RGS6: variants seen among roughly 807,000 people sequenced by gnomAD.
RGS6 encodes regulator of G protein signaling 6.
A neutral mutation model predicts 78.5 loss-of-function variants in RGS6; 30 were observed. The observed-to-expected ratio is 0.38, with a 90% CI of 0.29 to 0.52. The LOEUF (loss-of-function observed/expected upper bound fraction) is 0.52, where lower values mean the gene tolerates loss of function less well. RGS6 is among the 20% of genes least tolerant of loss of function. RGS6 has a pLI of 0.85. For missense variants in RGS6, 495 were observed against 609.7 expected (o/e 0.81, Z 1.98); for synonymous variants, 206 against 206.0 (o/e 1.00, Z 0.00).
intron 3 of RGS6, among the ~76,000 whole-genome samples, chr14:72,448,647 C>CTCAGTAAAT (rs1487865638): frequency 2.0e-5 from 3 of 152,106 alleles, no homozygotes; most frequent in African/African-American, 7.2e-5. Context: ...ATAGAAAGTA[C>CTCAGTAAAT]TCAGTAAATT....
chr14:71,940,431 T>C (rs2090337852), intron 1 of RGS6, among the ~76,000 whole-genome samples: 4 of 152,208 alleles, frequency 2.6e-5, no homozygotes, highest in African/African-American at 9.6e-5. Context: ...TAATTCAAAT[T>C]AGTCTTTTGT....
rs749194385 is a variant in RGS6 at position 72,204,804 on chromosome 14, C to T, written c.85-147291C>T. Reference sequence around the variant, plus strand: ...GGTTAGGATTTCAACATATGAATTTCGGAGGGACAGAAACATTCAGACCTA... The same window carrying T: ...GGTTAGGATTTCAACATATGAATTTTGGAGGGACAGAAACATTCAGACCTA... On this transcript the variant is annotated intron_variant, in intron 2 of 17. Coordinates refer to ENST00000553525, the MANE Select transcript of RGS6 (RefSeq NM_001204424.2). 7.9e-4 allele frequency among the ~76,000 whole-genome samples: 121 copies of T among 152,296 alleles called. 1 individual carries two copies. Among genetic ancestry groups the T allele is most frequent in the South Asian group, 1.7e-3 (8 of 4,822 alleles).
At chr14:72,239,856 T>C (rs1231774519) in intron 2 of RGS6, among the ~76,000 whole-genome samples, 3 of 152,232 alleles carry the variant, frequency 2.0e-5, no homozygotes, top group Admixed American at 6.5e-5. Context: ...TAATGAACTA[T>C]CTGTTGCAGA....
chr14:72,355,297 G>A (rs769480506), intron 3 of RGS6, among the ~76,000 whole-genome samples: 9 of 151,548 alleles, frequency 5.9e-5, no homozygotes, highest in South Asian at 2.1e-4. Context: ...GGGTTCAAGC[G>A]ATTCTCCTGT....
intron 2 of RGS6, among the ~76,000 whole-genome samples, chr14:72,221,513 A>G (rs1401550016): frequency 6.6e-6 from 1 of 152,228 alleles, no homozygotes; most frequent in Admixed American, 6.5e-5. Flanking sequence ...TATAGAGGTC[A>G]TCTTGCACTC....
chr14:72,227,205 A>G (rs2048331567), intron 2 of RGS6, among the ~76,000 whole-genome samples: 1 of 152,236 alleles, frequency 6.6e-6, no homozygotes, highest in South Asian at 2.1e-4. Context: ...GAAACTTCTC[A>G]CTTTATTTTG....
chr14:72,612,419 G>T, the RGS6 span: 1 of 515,358 alleles, frequency 1.9e-6, no homozygotes, highest in East Asian at 5.5e-5. Flanking sequence ...ATATCAGGCA[G>T]TGTTTCTGTC....
the RGS6 span, among the ~76,000 whole-genome samples, chr14:72,588,193 G>A: frequency 6.6e-6 from 1 of 152,198 alleles, no homozygotes; most frequent in African/African-American, 2.4e-5. Flanking sequence ...GCCCCCAGGG[G>A]TTCCCAGAAA....
the RGS6 span, among the ~76,000 whole-genome samples, chr14:71,920,398 A>G: frequency 6.6e-6 from 1 of 152,210 alleles, no homozygotes; most frequent in African/African-American, 2.4e-5. Flanking sequence ...GAGGGGAGTC[A>G]AGATGGAAGG....
At chr14:71,888,152 A>C in the RGS6 span, among the ~76,000 whole-genome samples, 1 of 152,224 alleles carries the variant, frequency 6.6e-6, no homozygotes, top group African/African-American at 2.4e-5. Context: ...CTGAGGCAGG[A>C]GAATCACTTG....
chr14:72,055,528 A>G (rs112632381), intron 2 of RGS6, among the ~76,000 whole-genome samples: 1 of 152,184 alleles, frequency 6.6e-6, no homozygotes, highest in Non-Finnish European at 1.5e-5. Context: ...CACCCTCGCT[A>G]GAAATATGAA....
intron 3 of RGS6, among the ~76,000 whole-genome samples, chr14:72,401,368 T>C (rs1039090945): frequency 2.6e-5 from 4 of 152,026 alleles, no homozygotes; most frequent in African/African-American, 7.2e-5. Context: ...GAGAGGAGAA[T>C]CTTTGTCAGT....
chr14:72,240,669 A>G (rs2052538686), intron 2 of RGS6, among the ~76,000 whole-genome samples: 4 of 152,192 alleles, frequency 2.6e-5, no homozygotes. Context: ...TTCCTTCTCA[A>G]TATAAGAAGA....
At chr14:72,322,904 A>G (rs1342792316) in intron 2 of RGS6, among the ~76,000 whole-genome samples, 1 of 152,118 alleles carries the variant, frequency 6.6e-6, no homozygotes, top group Non-Finnish European at 1.5e-5. Context: ...ACACACATAC[A>G]TATACCAATA....
At chr14:72,271,989 A>G (rs2060022859) in intron 2 of RGS6, among the ~76,000 whole-genome samples, 1 of 148,058 alleles carries the variant, frequency 6.8e-6, no homozygotes, top group Non-Finnish European at 1.5e-5. Flanking sequence ...GGCCACTGGG[A>G]TAATCGAGGA....
chr14:72,555,289 T>TACCA (rs1444445008), intron 17 of RGS6, among the ~76,000 whole-genome samples: 2 of 152,122 alleles, frequency 1.3e-5, no homozygotes, highest in African/African-American at 4.8e-5. Flanking sequence ...GTCCAGCAGC[T>TACCA]ACCACCTGAA....
chr14:72,150,917 A>G (rs2096675828), intron 2 of RGS6, among the ~76,000 whole-genome samples: 1 of 152,234 alleles, frequency 6.6e-6, no homozygotes, highest in Admixed American at 6.5e-5. Context: ...TGCCAAACAG[A>G]AACAACATTT....
chr14:71,926,609 A>T, the RGS6 span, among the ~76,000 whole-genome samples: 1 of 151,284 alleles, frequency 6.6e-6, no homozygotes, highest in South Asian at 2.1e-4. Flanking sequence ...AAAAAAGAGT[A>T]TCAATGAAGA....
chr14:72,319,458 T>C (rs998692587), intron 2 of RGS6, among the ~76,000 whole-genome samples: 9 of 151,924 alleles, frequency 5.9e-5, no homozygotes, highest in African/African-American at 2.2e-4. Flanking sequence ...CACGCCATTC[T>C]CCTGCCTCAG....
Sources: allele counts gnomAD v4.1 joint callset (sites outside exome capture counted in the v4.1 genomes callset), GRCh38; gene constraint gnomAD v4.1.1; transcripts MANE v1.5; gene names NCBI Gene and HGNC (gene_info 2026-07-23, HGNC 2026-07-21).